The following CNGB3 variants were observed in gnomAD, a reference collection of about 807,000 sequenced individuals.
CNGB3 encodes cyclic nucleotide gated channel subunit beta 3.
A neutral mutation model predicts 92.8 loss-of-function variants in CNGB3; 86 were observed. The ratio of observed to expected loss-of-function variants is 0.93; its 90% CI spans 0.78 to 1.11. CNGB3 has a LOEUF of 1.11. Ranked by LOEUF, CNGB3 falls within the 50% of genes least tolerant of loss-of-function variation. CNGB3 has a pLI of 0.00. For synonymous variants in CNGB3, 333 were observed against 332.7 expected, an observed-to-expected ratio of 1.00 and a Z score of -0.01; for missense variants, 1,026 against 956.8, an observed-to-expected ratio of 1.07 and a Z score of -0.95.
intron 3 of CNGB3, 119 bp from the exon 4 acceptor site, chr8:86,671,217 A>G (rs946666799): frequency 4.1e-5 from 44 of 1,065,494 alleles, no homozygotes; most frequent in Middle Eastern, 5.8e-4. Flanking sequence ...CTTTTTTGCA[A>G]TTGAATAGCA....
At chr8:86,704,085 G>C (rs1022620429) in intron 3 of CNGB3, 1 of 152,262 alleles carries the variant, frequency 6.6e-6, no homozygotes, top group East Asian at 1.9e-4. Flanking sequence ...ATAGCCTACT[G>C]TTGGCCAGAA....
At chr8:86,736,560 C>A (rs552362959) in intron 2 of CNGB3, among the ~76,000 whole-genome samples, 2 of 152,208 alleles carry the variant, frequency 1.3e-5, no homozygotes, top group South Asian at 2.1e-4. Flanking sequence ...AGATTTAAAT[C>A]ATTACTATTA....
chr8:86,589,924 A>G (rs1821989046), intron 15 of CNGB3, among the ~76,000 whole-genome samples: 1 of 151,096 alleles, frequency 6.6e-6, no homozygotes, highest in Non-Finnish European at 1.5e-5. Context: ...GATCTGTCTA[A>G]TGTTGACAGT....
In CNGB3 at chr8:86,668,007, C is replaced by T; in HGVS notation, c.643+12G>A. ...AGCCCTCCCACTATGATAATTCACC[C>T]TTTGATAATACCTGTGTATGAATCT... is the stretch of plus-strand genomic sequence containing the variant. On this transcript the variant is annotated intron_variant, in intron 5 of 17. Coordinates refer to ENST00000320005, the MANE Select transcript of CNGB3 (RefSeq NM_019098.5). 1 of 1,613,882 alleles carries T rather than the reference C, an allele frequency of 6.2e-7. No homozygotes were observed.
chr8:86,633,020 C>T (rs1822992578), intron 10 of CNGB3, 127 bp from the exon 11 acceptor site: 1 of 820,426 alleles, frequency 1.2e-6, no homozygotes, highest in Admixed American at 2.4e-5. Flanking sequence ...TTTCTCTAGA[C>T]AGCACTGGCA....
intron 3 of CNGB3, among the ~76,000 whole-genome samples, chr8:86,674,348 ATCAAATACATATC>A (rs1563750276): frequency 1.3e-5 from 2 of 152,256 alleles, no homozygotes; most frequent in Non-Finnish European, 2.9e-5. Flanking sequence ...ATGCAAGCAT[ATCAAATACATATC>A]TATATTTTAA....
chr8:86,705,146 C>A (rs1824629717), intron 3 of CNGB3, among the ~76,000 whole-genome samples: 1 of 152,194 alleles, frequency 6.6e-6, no homozygotes, highest in Non-Finnish European at 1.5e-5. Context: ...TAATTAACTG[C>A]TGAAGTCCTT....
chr8:86,590,328 A>G (rs1402406764), intron 15 of CNGB3, among the ~76,000 whole-genome samples: 1 of 152,070 alleles, frequency 6.6e-6, no homozygotes. Flanking sequence ...TGGAGGATTT[A>G]GTCCATTTAC....
intron 3 of CNGB3, among the ~76,000 whole-genome samples, chr8:86,694,387 G>A: frequency 6.6e-6 from 1 of 151,290 alleles, no homozygotes; most frequent in East Asian, 2.0e-4. Flanking sequence ...CGGGGTGGCT[G>A]GCCTGGCGGG....
Position 86,575,279 on chromosome 8 carries a change from G to T in CNGB3, c.*525C>A, listed in dbSNP as rs998552602. On this transcript the variant is annotated 3_prime_UTR_variant, in exon 18 of 18. Coordinates refer to ENST00000320005, the MANE Select transcript of CNGB3 (RefSeq NM_019098.5). ...CTTCCCTTCAGTCCCAGCTGCTGGGGATTTTTTGATATTACAGTGACTCAT... is the reference window on the plus strand; with the variant it reads ...CTTCCCTTCAGTCCCAGCTGCTGGGTATTTTTTGATATTACAGTGACTCAT... 1 of 152,128 alleles carries T rather than the reference G, an allele frequency of 6.6e-6. No individual in the cohort carries two copies. The highest frequency in any genetic ancestry group is 2.4e-5 in the African/African-American group (1 of 41,386). The allele number at this position is 152,128 out of a possible 1,614,324, so 9.4% of individuals were successfully genotyped here.
chr8:86,598,399 G>A (rs1352492218), intron 15 of CNGB3, among the ~76,000 whole-genome samples: 1 of 152,232 alleles, frequency 6.6e-6, no homozygotes, highest in Non-Finnish European at 1.5e-5. Context: ...GAGTGTCCAT[G>A]TAGGGTGAAG....
intron 13 of CNGB3, among the ~76,000 whole-genome samples, chr8:86,622,062 A>G (rs1442499053): frequency 6.6e-6 from 1 of 152,138 alleles, no homozygotes; most frequent in African/African-American, 2.4e-5. Flanking sequence ...AAAAAACAAC[A>G]AAAAAAGGAA....
chr8:86,638,271 G>A (rs1823113058), intron 10 of CNGB3, among the ~76,000 whole-genome samples: 1 of 152,036 alleles, frequency 6.6e-6, no homozygotes, highest in Non-Finnish European at 1.5e-5. Context: ...TAGGGTAGTT[G>A]TGTTTAGTTG....
At chr8:86,659,322 TC>T in intron 6 of CNGB3, 1 of 1,158,842 alleles carries the variant, frequency 8.6e-7, no homozygotes, top group Non-Finnish European at 1.3e-6. Flanking sequence ...TGCCTGCTCC[TC>T]CATGGCCTGC....
At position 86,739,788 on chromosome 8, in the gene CNGB3, G is replaced by T. The variant is rs368985257; in HGVS notation, c.130-52C>A. ...TGTGATGAATTTACATAAAAATGAA[G>T]TTGAATGTAAAACATAACACCATTT... On this transcript the variant is annotated intron_variant, in intron 1 of 17. Transcript: ENST00000320005. 3.1e-6 allele frequency: 5 copies of T among 1,589,418 alleles called. No individual in the cohort carries two copies. In the African/African-American group the frequency reaches 5.4e-5, roughly 17 times the overall value.
intron 3 of CNGB3, among the ~76,000 whole-genome samples, chr8:86,686,331 A>C (rs1045015979): frequency 7.0e-6 from 1 of 142,486 alleles, no homozygotes; most frequent in African/African-American, 2.6e-5. Flanking sequence ...CGTTCGATCT[A>C]TTTGTAGTCA....
chr8:86,697,111 G>A (rs1824464473), intron 3 of CNGB3, among the ~76,000 whole-genome samples: 2 of 152,120 alleles, frequency 1.3e-5, no homozygotes, highest in Admixed American at 6.5e-5. Flanking sequence ...GCAAGATGAA[G>A]TCCTTACTTA....
intron 12 of CNGB3, among the ~76,000 whole-genome samples, chr8:86,626,551 C>G (rs1179351418): frequency 1.3e-5 from 2 of 151,996 alleles, no homozygotes; most frequent in Non-Finnish European, 2.9e-5. Context: ...TGTGACAACC[C>G]CAAGGGTAAA....
intron 11 of CNGB3, among the ~76,000 whole-genome samples, chr8:86,631,543 C>A (rs1474029800): frequency 6.6e-6 from 1 of 152,194 alleles, no homozygotes; most frequent in African/African-American, 2.4e-5. Flanking sequence ...GATATGACAA[C>A]TTCACGTTGA....
Sources: allele counts gnomAD v4.1 joint callset (sites outside exome capture counted in the v4.1 genomes callset), GRCh38; gene constraint gnomAD v4.1.1; transcripts MANE v1.5; gene names NCBI Gene and HGNC (gene_info 2026-07-23, HGNC 2026-07-21).